EXOC3L2: variants seen among roughly 807,000 people sequenced by gnomAD.
The protein encoded by EXOC3L2 is exocyst complex component 3-like protein 2.
In EXOC3L2, 17 loss-of-function variants were observed where a neutral mutation model predicts 44.4. The observed-to-expected ratio is 0.38, with a 90% CI of 0.26 to 0.57. EXOC3L2 has a LOEUF of 0.57. EXOC3L2 is among the 20% of genes least tolerant of loss of function. The pLI is 0.65. For synonymous variants in EXOC3L2, 256 were observed against 253.7 expected (o/e 1.01, Z -0.09); for missense variants, 541 against 588.4 (o/e 0.92, Z 0.83).
In EXOC3L2 at chr19:45,242,538, G is replaced by A. The variant is rs1005782477; in HGVS notation, c.-17+2803C>T. Among the ~76,000 whole-genome samples the A allele has an allele frequency of 3.3e-5, 5 of 151,960 alleles. No homozygotes were observed. The South Asian group carries it at 6.2e-4, about 19-fold the overall frequency. ...CTCCCAAAGTACTAGAATTACAGGC[G>A]TGAGCCACCATCCACTGCCCTGATT... On this transcript the variant is annotated intron_variant, in intron 1 of 11. Coordinates refer to ENST00000413988, the MANE Select transcript of EXOC3L2 (RefSeq NM_001382422.1).
intron 11 of EXOC3L2, 35 bp from the exon 12 acceptor site, chr19:45,213,392 C>T: frequency 6.2e-7 from 1 of 1,608,050 alleles, no homozygotes; most frequent in Non-Finnish European, 8.5e-7. Context: ...GCATGCAGAT[C>T]CCCAGCTCTA....
Position 45,212,873 on chromosome 19 carries a change from T to A in EXOC3L2, c.*196A>T. 1.8e-6 allele frequency: 1 copy of A among 569,796 alleles called. No individual in the cohort carries two copies. Among genetic ancestry groups the A allele is most frequent in the Non-Finnish European group, 2.8e-6 (1 of 354,846 alleles). 35.3% of individuals were successfully genotyped at this position (569,796 alleles called of 1,614,324 possible). A position where few individuals can be genotyped will look rare whatever the true frequency, so the allele number is the denominator to read the frequency against. On this transcript the variant is annotated 3_prime_UTR_variant, in exon 12 of 12. Coordinates refer to ENST00000413988, the MANE Select transcript of EXOC3L2 (RefSeq NM_001382422.1). Reference sequence around the variant, plus strand: ...CCTCAGCCTCCCAAAGTGTTGGGATTACAGGCATGAGCCACCGTGCCTGGC... The same window carrying A: ...CCTCAGCCTCCCAAAGTGTTGGGATAACAGGCATGAGCCACCGTGCCTGGC...
At chr19:45,241,226 C>T (rs985651468) in intron 1 of EXOC3L2, among the ~76,000 whole-genome samples, 3 of 152,058 alleles carry the variant, frequency 2.0e-5, no homozygotes, top group African/African-American at 7.2e-5. Context: ...TGCAGTGGCT[C>T]ACGCCTGTAA....
In EXOC3L2 at chr19:45,227,722, A is replaced by C; in HGVS notation, c.1523T>G (p.Met508Arg). ...RFHENPAVRE[M>R]LPDTYISKTI... ...CTTGCTGATATAGGTGTCAGGTAGC[A>C]TCTCCCGGACTGCTGGGTTCTCATG... Residue 508 changes from methionine (M) to arginine (R), a missense_variant, in exon 7 of 12, where the codon ATG (methionine) becomes AGG (arginine). Coordinates refer to ENST00000413988, the MANE Select transcript of EXOC3L2 (RefSeq NM_001382422.1). 1 of 1,613,138 alleles carries C rather than the reference A, an allele frequency of 6.2e-7. No homozygotes were observed. The highest frequency in any genetic ancestry group is 1.1e-5 in the South Asian group (1 of 90,602).
Position 45,218,333 on chromosome 19 carries a change from A to C in EXOC3L2, c.1720-14T>G, listed in dbSNP as rs753038140. On this transcript the variant is annotated splice_polypyrimidine_tract_variant and intron_variant, in intron 8 of 11. Coordinates refer to ENST00000413988, the MANE Select transcript of EXOC3L2 (RefSeq NM_001382422.1). The stretch of plus-strand genomic sequence containing the variant: ...GTTGAAGTGTGGCTGGCAGGGACAG[A>C]GTAGGGGGTCACGCTCTCCTCCCTC... 3.2e-6 allele frequency: 5 copies of C among 1,587,066 alleles called. No homozygotes were observed. In the African/African-American group the frequency reaches 6.7e-5, roughly 21 times the overall value.
intron 1 of EXOC3L2, among the ~76,000 whole-genome samples, chr19:45,242,988 T>C (rs1970142646): frequency 6.6e-6 from 1 of 152,016 alleles, no homozygotes; most frequent in Non-Finnish European, 1.5e-5. Context: ...TGTTTACCCG[T>C]CCAAGTAGAT....
At chr19:45,239,379 G>A (rs542412229) in intron 1 of EXOC3L2, among the ~76,000 whole-genome samples, 7 of 150,620 alleles carry the variant, frequency 4.6e-5, no homozygotes, top group Admixed American at 1.3e-4. Flanking sequence ...CACCACGCCC[G>A]GCTAACTTTT....
At chr19:45,226,317 A>C (rs570297573) in intron 7 of EXOC3L2, among the ~76,000 whole-genome samples, 1 of 152,276 alleles carries the variant, frequency 6.6e-6, no homozygotes, top group East Asian at 1.9e-4. Flanking sequence ...AGGAAATGGG[A>C]ATGGCCAGGC....
intron 8 of EXOC3L2, among the ~76,000 whole-genome samples, chr19:45,220,818 G>A (rs570044832): frequency 3.3e-5 from 5 of 151,834 alleles, no homozygotes; most frequent in African/African-American, 4.8e-5. Context: ...GGGAGGAGAC[G>A]AGACTGAGGT....
intron 1 of EXOC3L2, among the ~76,000 whole-genome samples, chr19:45,242,534 A>G (rs888634871): frequency 6.6e-6 from 1 of 152,132 alleles, no homozygotes; most frequent in Admixed American, 6.5e-5. Flanking sequence ...CTAGAATTAC[A>G]GGCGTGAGCC....
chr19:45,232,504 T>C (rs1970042170), intron 3 of EXOC3L2, among the ~76,000 whole-genome samples: 1 of 152,190 alleles, frequency 6.6e-6, no homozygotes, highest in African/African-American at 2.4e-5. Context: ...ATCTGTTGCC[T>C]TCCCAGTCTT....
At chr19:45,226,683 G>A (rs565259029) in intron 7 of EXOC3L2, among the ~76,000 whole-genome samples, 4 of 149,874 alleles carry the variant, frequency 2.7e-5, no homozygotes, top group Admixed American at 2.0e-4. Context: ...TGAACTGCTC[G>A]CCTCGGCCTC....
chr19:45,219,969 C>T (rs545154593), intron 8 of EXOC3L2, among the ~76,000 whole-genome samples: 2 of 151,748 alleles, frequency 1.3e-5, no homozygotes, highest in South Asian at 2.1e-4. Context: ...GTCAGGAGTT[C>T]GAGACTAGCC....
intron 1 of EXOC3L2, among the ~76,000 whole-genome samples, chr19:45,241,355 G>C (rs1173665646): frequency 6.6e-6 from 1 of 152,036 alleles, no homozygotes; most frequent in Non-Finnish European, 1.5e-5. Flanking sequence ...GCAGGCGCCT[G>C]TAGCCCCAGC....
At position 45,238,407 on chromosome 19, in the gene EXOC3L2, C is replaced by T. The variant is rs542693633; in HGVS notation, c.523+116G>A. The T allele has an allele frequency of 9.8e-5, 39 of 399,024 alleles. No homozygotes were observed. The East Asian group carries it at 1.2e-3, about 12-fold the overall frequency. The allele number at this position is 399,024 out of a possible 1,614,324, so 24.7% of individuals were successfully genotyped here. On this transcript the variant is annotated intron_variant, in intron 2 of 11. Transcript: ENST00000413988. This position sits in a 1 kb window ranked among gnomAD's most constrained non-coding sequence, Gnocchi z 5.5. ...TGAGTTAGACATGTGAATTGCAGGT[C>T]GGGGTCACAGGTGGTAGCTGGGATG... is the stretch of plus-strand genomic sequence containing the variant.
chr19:45,216,116 G>GGATGCT lies in EXOC3L2; in HGVS notation c.2071_2076dup (p.Ser691_Ile692dup). 3 of 1,613,992 alleles carry GGATGCT rather than the reference G, an allele frequency of 1.9e-6. No individual in the cohort carries two copies. Among genetic ancestry groups the GGATGCT allele is most frequent in the Non-Finnish European group, 2.5e-6 (3 of 1,179,984 alleles). ...CGCACCAACACTCCCACCTCCACCT[G>GGATGCT]GATGCTGGGCGTGTCTTCCAGCTGC... is the stretch of plus-strand genomic sequence containing the variant. On this transcript the variant is annotated inframe_insertion, in exon 11 of 12. Transcript: ENST00000413988.
rs879163734 is a variant in EXOC3L2 at position 45,231,749 on chromosome 19, A to G, written c.1269+14T>C. ...ACAGCACCTCCTGCTTCCAAAATGCAAAGTTCCAGGTACCTTAACATCTGT... is the reference window on the plus strand; with the variant it reads ...ACAGCACCTCCTGCTTCCAAAATGCGAAGTTCCAGGTACCTTAACATCTGT... On this transcript the variant is annotated intron_variant, in intron 4 of 11. Coordinates refer to ENST00000413988, the MANE Select transcript of EXOC3L2 (RefSeq NM_001382422.1). 2.5e-6 allele frequency: 4 copies of G among 1,591,342 alleles called. No individual in the cohort carries two copies. The Admixed American group carries it at 6.7e-5, about 27-fold the overall frequency.
intron 8 of EXOC3L2, 110 bp downstream of exon 8, chr19:45,224,668 G>T: frequency 7.1e-7 from 1 of 1,405,036 alleles, no homozygotes; most frequent in Non-Finnish European, 9.3e-7. Context: ...CCCCGCCCCT[G>T]TCTGCTTCCC....
intron 7 of EXOC3L2, among the ~76,000 whole-genome samples, chr19:45,227,041 C>T (rs562649944): frequency 6.0e-5 from 9 of 150,202 alleles, no homozygotes; most frequent in East Asian, 2.0e-4. Context: ...GTGTGAGCCA[C>T]GATGCCTGGC....
Sources: gnomAD v4.1 joint callset for allele counts (sites outside exome capture counted in the v4.1 genomes callset) on GRCh38, gnomAD v4.1.1 for gene constraint, Gnocchi (gnomAD v3.1) non-coding constraint, MANE v1.5 for transcripts, NCBI Gene and HGNC (gene_info 2026-07-23, HGNC 2026-07-21) for gene names.